Variants in SLC2A5 observed in about 807,000 individuals in gnomAD.
The protein encoded by SLC2A5 is solute carrier family 2, facilitated glucose transporter member 5.
In SLC2A5, 56 loss-of-function variants were observed where a neutral mutation model predicts 50.3. The ratio of observed to expected loss-of-function variants is 1.11; its 90% CI spans 0.90 to 1.39. The LOEUF (loss-of-function observed/expected upper bound fraction) is 1.39. SLC2A5 is among the 40% of genes most tolerant of loss of function. The pLI, the probability that SLC2A5 is intolerant of heterozygous loss-of-function variation, is 0.00. For synonymous variants in SLC2A5, 269 were observed against 281.9 expected (o/e 0.95, Z 0.46); for missense variants, 566 against 650.1 (o/e 0.87, Z 1.41).
chr1:9,085,425 A>G (rs1185776538), intron 1 of SLC2A5, among the ~76,000 whole-genome samples: 1 of 152,190 alleles, frequency 6.6e-6, no homozygotes, highest in Non-Finnish European at 1.5e-5. Context: ...TAATTGTTTG[A>G]ATTTGTCTAA....
intron 8 of SLC2A5, among the ~76,000 whole-genome samples, 171 bp from the exon 9 acceptor site, chr1:9,039,100 G>A (rs908352774): frequency 6.6e-6 from 1 of 152,226 alleles, no homozygotes; most frequent in African/African-American, 2.4e-5. Context: ...GCGGGAAGTC[G>A]GCTGTGGCTG....
intron 2 of SLC2A5, among the ~76,000 whole-genome samples, chr1:9,078,951 G>A (rs1642321872): frequency 6.6e-6 from 1 of 152,120 alleles, no homozygotes; most frequent in South Asian, 2.1e-4. Flanking sequence ...TTTGCTTTTG[G>A]CACAGGCAGT....
rs570474381 is a variant in SLC2A5, at chr1:9,062,559, G to A, written c.34-4309C>T. 5.9e-5 allele frequency among the ~76,000 whole-genome samples: 9 copies of A among 152,228 alleles called. No individual in the cohort carries two copies. The South Asian group carries it at 1.9e-3, about 32-fold the overall frequency. On this transcript the variant is annotated intron_variant, in intron 1 of 11. Transcript: ENST00000377424. ...TGCTCTGTAGCCAAGGAGTGGGATG[G>A]AAGGATTTGAACTTTAAAAAAATTA...
chr1:9,052,409 G>T (rs1051219652), intron 3 of SLC2A5, among the ~76,000 whole-genome samples: 3 of 152,074 alleles, frequency 2.0e-5, no homozygotes, highest in Admixed American at 1.3e-4. Context: ...GGAGGGAGGG[G>T]GTGACTAGGC....
At chr1:9,078,677 G>A (rs1642319151) in intron 2 of SLC2A5, among the ~76,000 whole-genome samples, 2 of 152,196 alleles carry the variant, frequency 1.3e-5, no homozygotes, top group African/African-American at 4.8e-5. Flanking sequence ...ACACTACATT[G>A]TTCTTTGTAC....
intron 3 of SLC2A5, among the ~76,000 whole-genome samples, chr1:9,050,290 G>T (rs938432216): frequency 6.9e-6 from 1 of 145,728 alleles, no homozygotes; most frequent in African/African-American, 2.5e-5. Flanking sequence ...AAAAAAAAAA[G>T]AAAAAATTCA....
At chr1:9,046,223 C>T (rs1256844882) in intron 4 of SLC2A5, among the ~76,000 whole-genome samples, 1 of 152,130 alleles carries the variant, frequency 6.6e-6, no homozygotes, top group Non-Finnish European at 1.5e-5. Flanking sequence ...ACCCTGAGAG[C>T]TTCCATCCTA....
At chr1:9,092,654 C>A (rs1373209347), upstream of SLC2A5, among the ~76,000 whole-genome samples, 1 of 152,096 alleles carries the variant, frequency 6.6e-6, no homozygotes, top group Non-Finnish European at 1.5e-5. Context: ...GAGGCCTTTC[C>A]CACAACAAAC....
intron 4 of SLC2A5, among the ~76,000 whole-genome samples, chr1:9,044,377 T>A (rs1365696561): frequency 2.0e-5 from 3 of 152,152 alleles, no homozygotes; most frequent in Admixed American, 1.3e-4. Context: ...TCTGAGCCAA[T>A]GAATACCTTC....
At chr1:9,047,396 T>G (rs774134838) in intron 4 of SLC2A5, among the ~76,000 whole-genome samples, 14 of 152,174 alleles carry the variant, frequency 9.2e-5, no homozygotes, top group Non-Finnish European at 1.8e-4. Flanking sequence ...GATTCTGCAT[T>G]TCAGTCTTTC....
chr1:9,062,950 C>G lies in SLC2A5; in HGVS notation c.34-4700G>C, dbSNP rs369382974. 5.3e-5 allele frequency among the ~76,000 whole-genome samples: 8 copies of G among 152,236 alleles called. No individual in the cohort carries two copies. The East Asian group carries it at 1.3e-3, about 26-fold the overall frequency. On this transcript the variant is annotated intron_variant, in intron 1 of 11. Coordinates refer to ENST00000377424, the MANE Select transcript of SLC2A5 (RefSeq NM_003039.3). ...AAGGGAGACCAGGTTACTGCAGAGGCCAACAGACAGCAGATGGGCACTTGG... is the reference window on the plus strand; with the variant it reads ...AAGGGAGACCAGGTTACTGCAGAGGGCAACAGACAGCAGATGGGCACTTGG...
intron 1 of SLC2A5, among the ~76,000 whole-genome samples, chr1:9,063,338 G>A (rs983395093): frequency 6.6e-6 from 1 of 150,608 alleles, no homozygotes; most frequent in Non-Finnish European, 1.5e-5. Flanking sequence ...GGTGTGAGCT[G>A]CCATGCCCAG....
At chr1:9,047,543 C>T (rs1641465791) in intron 4 of SLC2A5, 67 bp downstream of exon 4, 1 of 1,558,916 alleles carries the variant, frequency 6.4e-7, no homozygotes, top group Non-Finnish European at 8.8e-7. Context: ...GTTCTAGTCC[C>T]TGGGAACCTG....
upstream of SLC2A5, among the ~76,000 whole-genome samples, chr1:9,071,072 C>T (rs908690433): frequency 2.6e-5 from 4 of 152,008 alleles, no homozygotes; most frequent in East Asian, 1.9e-4. Flanking sequence ...AGGAAATCAA[C>T]GATGGGGGAG....
rs150298784 is a variant in SLC2A5 at position 9,076,265 on chromosome 1, A to G, written c.-58-6671T>C. Among the ~76,000 whole-genome samples the G allele has an allele frequency of 3.4e-3, 507 of 150,718 alleles. 3 individuals are homozygous for G. Among genetic ancestry groups the G allele is most frequent in the African/African-American group, 0.012 (489 of 41,366 alleles). ...GCCACTGCACCTGGCCGGATTTTCAATTTTGATGAAACAGCTCTACTAGGA... is the reference window on the plus strand; with the variant it reads ...GCCACTGCACCTGGCCGGATTTTCAGTTTTGATGAAACAGCTCTACTAGGA... On this transcript the variant is annotated intron_variant, in intron 2 of 5. Coordinates refer to the SLC2A5 transcript ENST00000464985.
chr1:9,048,983 A>G, intron 3 of SLC2A5: 1 of 361,532 alleles, frequency 2.8e-6, no homozygotes, highest in Non-Finnish European at 5.5e-6. Context: ...GCCTTAACAA[A>G]CTATAAATAG....
chr1:9,079,786 C>T (rs1377247870), intron 2 of SLC2A5, among the ~76,000 whole-genome samples: 4 of 152,130 alleles, frequency 2.6e-5, no homozygotes, highest in Non-Finnish European at 4.4e-5. Flanking sequence ...CACGCCCAGC[C>T]GATATCCCTC....
chr1:9,038,473 C>T lies in SLC2A5; in HGVS notation c.1132G>A (p.Val378Ile), dbSNP rs201762952. 353 of 1,613,452 alleles carry T rather than the reference C, an allele frequency of 2.2e-4. No homozygotes were observed. The highest frequency in any genetic ancestry group is 2.7e-4 in the Non-Finnish European group (319 of 1,179,758). Residue 378 changes from valine to isoleucine, a missense_variant, in exon 10 of 12, where the codon GTC becomes ATC. By Grantham distance (29) the Val-to-Ile change is conservative. Transcript: ENST00000377424. Reference sequence around the variant, plus strand: ...CCTATGACGTAGGAGATGACACAGACGATGCTGATGTATGGCATCCAGGAC... The same window carrying T: ...CCTATGACGTAGGAGATGACACAGATGATGCTGATGTATGGCATCCAGGAC... Reference protein sequence around the residue: ...TVSWMPYISIVCVISYVIGHA... With the variant: ...TVSWMPYISIICVISYVIGHA...
upstream of SLC2A5, among the ~76,000 whole-genome samples, chr1:9,070,628 C>A (rs1642194530): frequency 6.6e-6 from 1 of 152,162 alleles, no homozygotes; most frequent in African/African-American, 2.4e-5. Context: ...TCTCACAAGT[C>A]CCACAGGTTT....
Sources: allele counts gnomAD v4.1 joint callset (sites outside exome capture counted in the v4.1 genomes callset), GRCh38; gene constraint gnomAD v4.1.1; transcripts MANE v1.5; gene names NCBI Gene and HGNC (gene_info 2026-07-23, HGNC 2026-07-21).